KIAA0825: variants seen among roughly 807,000 people sequenced by gnomAD.
The protein encoded by KIAA0825 is uncharacterized protein KIAA0825.
In KIAA0825, 119 loss-of-function variants were observed where a neutral mutation model predicts 147.6. The ratio of observed to expected loss-of-function variants is 0.81; its 90% CI spans 0.69 to 0.94. The LOEUF (loss-of-function observed/expected upper bound fraction) is 0.94, where lower values mean the gene tolerates loss of function less well. Ranked by LOEUF, KIAA0825 falls within the 40% of genes least tolerant of loss-of-function variation. The probability of loss-of-function intolerance (pLI) is 0.00; values close to 1 mark genes in which losing one functional copy is unlikely to be tolerated. For synonymous variants in KIAA0825, 470 were observed against 518.1 expected (o/e 0.91, Z 1.26); for missense variants, 1,381 against 1,472.7 (o/e 0.94, Z 1.02).
chr5:94,400,983 T>A (rs1227873657), intron 16 of KIAA0825, among the ~76,000 whole-genome samples: 2 of 151,948 alleles, frequency 1.3e-5, no homozygotes, highest in Non-Finnish European at 2.9e-5. Flanking sequence ...TAAGTTAGAT[T>A]TTTTTTTAAA....
chr5:94,567,751 C>T (rs1427171691), intron 2 of KIAA0825: 2 of 152,804 alleles, frequency 1.3e-5, no homozygotes, highest in East Asian at 3.8e-4. Context: ...TAAACACTAA[C>T]CCTGACTTTA....
At chr5:94,542,107 T>C (rs750559724) in intron 2 of KIAA0825, among the ~76,000 whole-genome samples, 8 of 152,240 alleles carry the variant, frequency 5.3e-5, no homozygotes. Context: ...AGGTGATTTA[T>C]GATCAACTAT....
intron 20 of KIAA0825, among the ~76,000 whole-genome samples, chr5:94,174,010 A>T (rs1465007607): frequency 6.6e-6 from 1 of 152,206 alleles, no homozygotes; most frequent in Non-Finnish European, 1.5e-5. Context: ...AATGTGGAAT[A>T]CATCACGTAT....
intron 20 of KIAA0825, among the ~76,000 whole-genome samples, chr5:94,200,911 A>G (rs1410717279): frequency 2.8e-5 from 4 of 144,570 alleles, no homozygotes; most frequent in African/African-American, 7.6e-5. Flanking sequence ...ATTGTTCCTC[A>G]AAGCTGCTAT....
At chr5:94,459,003 T>C (rs1759484646) in intron 12 of KIAA0825, among the ~76,000 whole-genome samples, 2 of 152,110 alleles carry the variant, frequency 1.3e-5, no homozygotes, top group South Asian at 4.1e-4. Context: ...CAGCTTCTGG[T>C]AACCACTGAT....
chr5:94,253,414 T>C (rs1776076503), intron 20 of KIAA0825, among the ~76,000 whole-genome samples: 1 of 152,166 alleles, frequency 6.6e-6, no homozygotes, highest in African/African-American at 2.4e-5. Flanking sequence ...ATGCGGTGCA[T>C]GCAGCACATT....
chr5:94,496,645 T>C (rs916692502), intron 5 of KIAA0825, among the ~76,000 whole-genome samples: 2 of 152,108 alleles, frequency 1.3e-5, no homozygotes, highest in African/African-American at 4.8e-5. Flanking sequence ...AGGTGGAATG[T>C]CTGCCACCAA....
chr5:94,426,012 T>A (rs897526027), intron 14 of KIAA0825, among the ~76,000 whole-genome samples: 1 of 143,186 alleles, frequency 7.0e-6, no homozygotes, highest in African/African-American at 2.6e-5. Context: ...TATGCCTGGA[T>A]AATTTTTGTA....
chr5:94,397,766 CTG>C (rs1227441515), intron 16 of KIAA0825, among the ~76,000 whole-genome samples: 1 of 152,126 alleles, frequency 6.6e-6, no homozygotes, highest in Non-Finnish European at 1.5e-5. Context: ...GGGACCAAAA[CTG>C]TGTCTGGTTG....
chr5:94,282,649 G>A (rs1184746559), intron 20 of KIAA0825, among the ~76,000 whole-genome samples: 1 of 152,026 alleles, frequency 6.6e-6, no homozygotes, highest in African/African-American at 2.4e-5. Flanking sequence ...TTCAAATAAT[G>A]TCAGCTATTA....
chr5:94,570,321 C>A, intron 2 of KIAA0825: 1 of 154,056 alleles, frequency 6.5e-6, no homozygotes, highest in South Asian at 2.0e-4. Flanking sequence ...CTGACTAACC[C>A]CCTAAACACC....
At chr5:94,539,265 A>G (rs914337028) in intron 2 of KIAA0825, among the ~76,000 whole-genome samples, 4 of 152,148 alleles carry the variant, frequency 2.6e-5, no homozygotes, top group Non-Finnish European at 1.5e-5. Flanking sequence ...TCAAGAAATA[A>G]TCATAAAAAT....
rs1227956017 is a variant in KIAA0825, at chr5:94,565,074, TTCTC to T, written c.-2+17355_-2+17358del. 5.7e-5 allele frequency among the ~76,000 whole-genome samples: 8 copies of T among 139,482 alleles called. No individual in the cohort carries two copies. The East Asian group carries it at 1.1e-3, about 19-fold the overall frequency. 91.5% of individuals were successfully genotyped at this position (139,482 alleles called of 152,430 possible). On this transcript the variant is annotated intron_variant, in intron 2 of 20. Coordinates refer to ENST00000682413, the MANE Select transcript of KIAA0825 (RefSeq NM_001145678.3). ...CTCTCTCTTTCTTTCCTGTCTCTCTTTCTCTCTCTTTCTTGCTTTCCTTTTTTTT... is the reference window on the plus strand; with the variant it reads ...CTCTCTCTTTCTTTCCTGTCTCTCTTTCTCTTTCTTGCTTTCCTTTTTTTT...
At chr5:94,519,405 A>C (rs1767751643) in intron 5 of KIAA0825, 1 of 918,322 alleles carries the variant, frequency 1.1e-6, no homozygotes, top group African/African-American at 1.8e-5. Context: ...AACTAATGAT[A>C]ATTTTAGAAA....
chr5:94,425,925 A>G (rs1446943117), intron 14 of KIAA0825, among the ~76,000 whole-genome samples: 1 of 151,912 alleles, frequency 6.6e-6, no homozygotes, highest in Admixed American at 6.6e-5. Flanking sequence ...ATGACTCCCT[A>G]AAGCTTTGAC....
At chr5:94,486,175 T>C (rs1314888365) in intron 5 of KIAA0825, among the ~76,000 whole-genome samples, 1 of 152,018 alleles carries the variant, frequency 6.6e-6, no homozygotes, top group East Asian at 1.9e-4. Context: ...TATTAAAACA[T>C]ATTTAAGAGA....
intron 20 of KIAA0825, among the ~76,000 whole-genome samples, chr5:94,306,695 G>A (rs189535015): frequency 4.0e-4 from 61 of 151,780 alleles, no homozygotes; most frequent in African/African-American, 1.3e-3. Context: ...ATATTAGAGG[G>A]AAATTATCAA....
At chr5:94,608,117 T>C (rs1367872391) in intron 1 of KIAA0825, among the ~76,000 whole-genome samples, 2 of 151,934 alleles carry the variant, frequency 1.3e-5, no homozygotes, top group East Asian at 3.9e-4. Flanking sequence ...TTCTACGTAT[T>C]AGGATGTAGG....
intron 12 of KIAA0825, among the ~76,000 whole-genome samples, chr5:94,453,790 T>C (rs1584536762): frequency 6.6e-6 from 1 of 152,172 alleles, no homozygotes; most frequent in Non-Finnish European, 1.5e-5. Context: ...ATGAGTAGTA[T>C]TTTTATGTCC....
Sources: allele counts gnomAD v4.1 joint callset (sites outside exome capture counted in the v4.1 genomes callset), GRCh38; gene constraint gnomAD v4.1.1; transcripts MANE v1.5; gene names NCBI Gene and HGNC (gene_info 2026-07-23, HGNC 2026-07-21).